Variants in HEPHL1 observed in about 807,000 individuals in gnomAD.
HEPHL1 encodes the protein hephaestin like 1.
Under a neutral mutation model 122.0 loss-of-function variants are expected in HEPHL1, and 123 were observed. The ratio of observed to expected loss-of-function variants is 1.01; its 90% confidence interval spans 0.87 to 1.17. The LOEUF (loss-of-function observed/expected upper bound fraction) is 1.17. HEPHL1 is among the 50% of genes most tolerant of loss of function. HEPHL1 has a pLI of 0.00. For synonymous variants in HEPHL1, 527 were observed against 508.9 expected (o/e 1.04, Z -0.48); for missense variants, 1,452 against 1,430.5 (o/e 1.01, Z -0.24).
intron 12 of HEPHL1, among the ~76,000 whole-genome samples, chr11:94,089,580 C>T (rs1946248273): frequency 6.6e-6 from 1 of 152,224 alleles, no homozygotes; most frequent in Non-Finnish European, 1.5e-5. Flanking sequence ...AGGCCGCCAG[C>T]AGCCTTGTAA....
chr11:94,101,928 C>A (rs1394268083), intron 14 of HEPHL1, among the ~76,000 whole-genome samples: 2 of 152,072 alleles, frequency 1.3e-5, no homozygotes, highest in Non-Finnish European at 2.9e-5. Flanking sequence ...CAATTAGAGA[C>A]AATAAAAAGA....
chr11:94,074,897 G>A (rs16919917), intron 8 of HEPHL1, among the ~76,000 whole-genome samples: 19,018 of 152,040 alleles, frequency 0.13, 1,228 homozygotes, highest in Admixed American at 0.15. Flanking sequence ...CTGTTGAATG[G>A]GCCACTATCA....
In HEPHL1 at chr11:94,056,276, G is replaced by T. The variant is rs560698018; in HGVS notation, c.416-7232G>T. Among the ~76,000 whole-genome samples, 177 of 152,160 alleles carry T rather than the reference G, an allele frequency of 1.2e-3. 1 individual carries two copies. The highest frequency in any genetic ancestry group is 3.1e-3 in the South Asian group (15 of 4,826). ...GACACAATACAAACAGCATATAATAGAATTTTGCTTTTTTTCCCCCAGTTT... is the reference window on the plus strand; with the variant it reads ...GACACAATACAAACAGCATATAATATAATTTTGCTTTTTTTCCCCCAGTTT... On this transcript the variant is annotated intron_variant, in intron 2 of 19. Transcript: ENST00000315765.
chr11:94,062,492 T>TCAGGAATACAA (rs1945994135), intron 2 of HEPHL1, among the ~76,000 whole-genome samples: 1 of 152,246 alleles, frequency 6.6e-6, no homozygotes, highest in Admixed American at 6.5e-5. Flanking sequence ...CTTGCTGTGT[T>TCAGGAATACAA]ATTTGAATTT....
At chr11:94,106,234 T>C (rs1056885429) in intron 17 of HEPHL1, 104 bp downstream of exon 17, 1 of 810,898 alleles carries the variant, frequency 1.2e-6, no homozygotes, top group South Asian at 2.4e-5. Flanking sequence ...CTTGTGAGGA[T>C]AGGTGAGAAT....
intron 2 of HEPHL1, 109 bp from the exon 3 acceptor site, chr11:94,063,399 T>A: frequency 1.2e-6 from 1 of 863,114 alleles, no homozygotes; most frequent in South Asian, 1.8e-5. Context: ...GCAAATAAAT[T>A]TTAATTCAGT....
At chr11:94,041,324 G>A (rs370998933) in intron 1 of HEPHL1, among the ~76,000 whole-genome samples, 23 of 143,670 alleles carry the variant, frequency 1.6e-4, no homozygotes, top group African/African-American at 4.8e-4. Flanking sequence ...ATTCAATGCC[G>A]TCCCCATCAA....
At chr11:94,058,150 C>G (rs553928947) in intron 2 of HEPHL1, among the ~76,000 whole-genome samples, 1 of 152,288 alleles carries the variant, frequency 6.6e-6, no homozygotes, top group South Asian at 2.1e-4. Context: ...CTTATATTCT[C>G]TGCTAGTGGA....
intron 13 of HEPHL1, among the ~76,000 whole-genome samples, chr11:94,100,028 C>T (rs1946355133): frequency 6.6e-6 from 1 of 152,112 alleles, no homozygotes. Context: ...CCTGCCCCCA[C>T]TGTCTGACAA....
At chr11:94,097,539 G>A (rs1946328202) in intron 13 of HEPHL1, among the ~76,000 whole-genome samples, 1 of 152,118 alleles carries the variant, frequency 6.6e-6, no homozygotes, top group South Asian at 2.1e-4. Flanking sequence ...AGCTCTGCTT[G>A]GTGCAGAGCT....
Position 94,106,082 on chromosome 11 carries a change from A to G in HEPHL1, c.2997A>G (p.Glu999=). 1 of 1,599,388 alleles carries G rather than the reference A, an allele frequency of 6.3e-7. No homozygotes were observed. Among genetic ancestry groups the G allele is most frequent in the South Asian group, 1.1e-5 (1 of 88,340 alleles). Residue 999 remains glutamate (E), a synonymous_variant, in exon 17 of 20, where the codon GAA becomes GAG. Coordinates refer to ENST00000315765, the MANE Select transcript of HEPHL1 (RefSeq NM_001098672.2). ...TNWYLLGIGS[E]VDIHTIHYHA... is the part of the protein sequence containing the mutation. Reference sequence around the variant, plus strand: ...GGTATTTGTTAGGGATAGGAAGTGAAGTGGACATACATACCATCCATTATC... The same window carrying G: ...GGTATTTGTTAGGGATAGGAAGTGAGGTGGACATACATACCATCCATTATC...
At chr11:94,064,588 G>T in intron 4 of HEPHL1, 78 bp downstream of exon 4, 2 of 982,016 alleles carry the variant, frequency 2.0e-6, no homozygotes, top group Non-Finnish European at 3.0e-6. Flanking sequence ...AAAATACACA[G>T]AAATGTTGAT....
intron 1 of HEPHL1, among the ~76,000 whole-genome samples, chr11:94,032,931 G>A (rs949452): frequency 0.33 from 49,595 of 151,850 alleles, 9,653 homozygotes; most frequent in Admixed American, 0.43. Context: ...GTGAGCATGC[G>A]TACAGCTCCA....
intron 13 of HEPHL1, among the ~76,000 whole-genome samples, chr11:94,098,377 G>A (rs1296394609): frequency 2.0e-5 from 3 of 152,338 alleles, no homozygotes; most frequent in South Asian, 4.1e-4. Flanking sequence ...TCTGCTGAGA[G>A]ATCCGCTGTT....
In HEPHL1 at chr11:94,036,997, G is replaced by T. The variant is rs542971253; in HGVS notation, c.171-8676G>T. Among the ~76,000 whole-genome samples the T allele has an allele frequency of 1.1e-3, 167 of 152,338 alleles. 1 individual carries two copies. Among genetic ancestry groups the T allele is most frequent in the African/African-American group, 3.8e-3 (158 of 41,580 alleles). ...TAGGGAGTGCCAGACAGTGGGCGCA[G>T]GCCAGTGGGTGCGCGCACCGTGCAC... On this transcript the variant is annotated intron_variant, in intron 1 of 19. Transcript: ENST00000315765.
rs1946240550 is a variant in HEPHL1 at position 94,088,919 on chromosome 11, A to C, written c.2245A>C (p.Asn749His). ...AGAAGTAGAATGGGATTATGCCCCT[A>C]ACAAAAACTGGGAGTTCGAAAAGCA... ...AEEVEWDYAP[N>H]KNWEFEKQHV... Residue 749 changes from asparagine (N) to histidine (H), a missense_variant, in exon 12 of 20, where the codon AAC becomes CAC. By Grantham distance (68) the Asn-to-His change is moderately conservative. Transcript: ENST00000315765. 1 of 1,613,874 alleles carries C rather than the reference A, an allele frequency of 6.2e-7. No homozygotes were observed. The highest frequency in any genetic ancestry group is 1.7e-5 in the Admixed American group (1 of 60,004).
Position 94,088,952 on chromosome 11 carries a change from G to C in HEPHL1, c.2278G>C (p.Asp760His). ...KNWEFEKQHV[D>H]ARGERHGDIF... ...CTGGGAGTTCGAAAAGCAGCACGTGGACGCAAGAGGGGAAAGGTACCACAG... is the reference window on the plus strand; with the variant it reads ...CTGGGAGTTCGAAAAGCAGCACGTGCACGCAAGAGGGGAAAGGTACCACAG... The change falls in exon 12 of 20, where the codon GAC (aspartate) becomes CAC (histidine). Residue 760 changes from aspartate (D) to histidine (H), a missense_variant. Physicochemically the swap from Asp to His is moderately conservative, Grantham distance 81 (BLOSUM62 -1). Coordinates refer to ENST00000315765, the MANE Select transcript of HEPHL1 (RefSeq NM_001098672.2). The C allele has an allele frequency of 1.2e-6, 2 of 1,613,984 alleles. No individual in the cohort carries two copies. Among genetic ancestry groups the C allele is most frequent in the Non-Finnish European group, 1.7e-6 (2 of 1,179,876 alleles).
rs1591488765 is a variant in HEPHL1, at chr11:94,101,253, C to CAGT, written c.2496_2498dup (p.Ser832dup). 6.2e-7 allele frequency: 1 copy of CAGT among 1,613,978 alleles called. No individual in the cohort carries two copies. Among genetic ancestry groups the CAGT allele is most frequent in the Non-Finnish European group, 8.5e-7 (1 of 1,179,870 alleles). ...TCCTGATCATATTTAAGAACAAAGC[C>CAGT]AGTAGGCCCTACTCCATCTCAGCCC... On this transcript the variant is annotated inframe_insertion, in exon 14 of 20. Coordinates refer to ENST00000315765, the MANE Select transcript of HEPHL1 (RefSeq NM_001098672.2).
In HEPHL1 at chr11:94,111,960, G is replaced by T; in HGVS notation, c.*66G>T. On this transcript the variant is annotated 3_prime_UTR_variant, in exon 20 of 20. Coordinates refer to ENST00000315765, the MANE Select transcript of HEPHL1 (RefSeq NM_001098672.2). Reference sequence around the variant, plus strand: ...AGCTGGCCAGATGGCAGCCAACAGGGAAACTGGACCAAGGCATCACTCACC... The same window carrying T: ...AGCTGGCCAGATGGCAGCCAACAGGTAAACTGGACCAAGGCATCACTCACC... The T allele has an allele frequency of 8.3e-7, 1 of 1,202,588 alleles. No homozygotes were observed. Among genetic ancestry groups the T allele is most frequent in the Non-Finnish European group, 1.1e-6 (1 of 876,494 alleles). 74.5% of individuals were successfully genotyped at this position (1,202,588 alleles called of 1,614,324 possible).
Sources: gnomAD v4.1 joint callset for allele counts (sites outside exome capture counted in the v4.1 genomes callset) on GRCh38, gnomAD v4.1.1 for gene constraint, MANE v1.5 for transcripts, NCBI Gene and HGNC (gene_info 2026-07-23, HGNC 2026-07-21) for gene names.